The following ADAM28 variants were observed in gnomAD, a reference collection of about 807,000 sequenced individuals.
The protein encoded by ADAM28 is ADAM metallopeptidase domain 28.
A neutral mutation model predicts 101.2 loss-of-function variants in ADAM28; 105 were observed. The observed-to-expected ratio is 1.04, with a 90% CI of 0.89 to 1.22. The LOEUF is 1.22. ADAM28 is among the 50% of genes most tolerant of loss of function. The probability of loss-of-function intolerance (pLI) is 0.00; values close to 1 mark genes in which losing one functional copy is unlikely to be tolerated. For missense variants in ADAM28, 1,028 were observed against 945.4 expected (o/e 1.09, Z -1.15); for synonymous variants, 322 against 310.6 (o/e 1.04, Z -0.39).
At chr8:24,313,359 A>G in intron 5 of ADAM28, 29 bp from the exon 6 acceptor site, 1 of 1,574,558 alleles carries the variant, frequency 6.4e-7, no homozygotes, top group South Asian at 1.2e-5. Flanking sequence ...AATATTTGTT[A>G]AGAAGCCAGA....
intron 6 of ADAM28, among the ~76,000 whole-genome samples, chr8:24,315,973 T>G (rs1244159262): frequency 6.6e-6 from 1 of 151,828 alleles, no homozygotes; most frequent in Non-Finnish European, 1.5e-5. Flanking sequence ...TGATTAAAAG[T>G]TTAGGTAGTT....
intron 2 of ADAM28, among the ~76,000 whole-genome samples, chr8:24,300,663 G>A (rs1363066828): frequency 1.3e-5 from 2 of 152,032 alleles, no homozygotes; most frequent in Non-Finnish European, 2.9e-5. Context: ...TGATCCGCCC[G>A]CCTCGGCCTC....
chr8:24,350,306 C>A (rs1815935927), intron 19 of ADAM28, among the ~76,000 whole-genome samples: 1 of 152,018 alleles, frequency 6.6e-6, no homozygotes, highest in Non-Finnish European at 1.5e-5. Context: ...CTGTGCTAAG[C>A]ACCGCCCCAC....
At chr8:24,319,721 T>C (rs186544864) in intron 6 of ADAM28, among the ~76,000 whole-genome samples, 2 of 151,972 alleles carry the variant, frequency 1.3e-5, no homozygotes, top group South Asian at 2.1e-4. Flanking sequence ...ATTGGTAAGT[T>C]TGAAACATGG....
intron 2 of ADAM28, among the ~76,000 whole-genome samples, chr8:24,306,813 C>A (rs529073403): frequency 1.3e-5 from 2 of 152,288 alleles, no homozygotes; most frequent in East Asian, 1.9e-4. Context: ...TAAGCCCTAG[C>A]AATCTGTCCA....
Position 24,309,922 on chromosome 8 carries a change from A to T in ADAM28, c.179A>T (p.Lys60Ile), listed in dbSNP as rs1427169208. ...QEQFETELKY[K>I]MTINGKIAVL... ...CAATTTGAAACTGAATTAAAGTATA[A>T]AATGACAATTAATGGAAAAATTGCA... is the stretch of plus-strand genomic sequence containing the variant. The change falls in exon 3 of 23, where the codon AAA becomes ATA. Residue 60 changes from lysine (K) to isoleucine (I), a missense_variant. Physicochemically the swap from Lys to Ile is moderately radical, Grantham distance 102 (BLOSUM62 -3). Transcript: ENST00000265769. 1 of 1,562,480 alleles carries T rather than the reference A, an allele frequency of 6.4e-7. No homozygotes were observed. The highest frequency in any genetic ancestry group is 8.8e-7 in the Non-Finnish European group (1 of 1,135,924).
At chr8:24,306,355 A>ATATATATATATATATTTATAT (rs1489348958) in intron 2 of ADAM28, among the ~76,000 whole-genome samples, 1 of 107,822 alleles carries the variant, frequency 9.3e-6, no homozygotes, top group Non-Finnish European at 1.9e-5. Context: ...AATACAAATA[A>ATATATATATATATATTTATAT]ATAAATAAAT....
chr8:24,298,895 CCAAA>C (rs1808332117), intron 1 of ADAM28, among the ~76,000 whole-genome samples: 1 of 152,090 alleles, frequency 6.6e-6, no homozygotes, highest in African/African-American at 2.4e-5. Context: ...ATCTCTCTCT[CCAAA>C]ATGACTTCTA....
At chr8:24,297,755 A>C (rs1279470220) in intron 1 of ADAM28, among the ~76,000 whole-genome samples, 1 of 152,146 alleles carries the variant, frequency 6.6e-6, no homozygotes, top group Non-Finnish European at 1.5e-5. Context: ...GGCAGGAGTA[A>C]TTTTCTTACC....
intron 2 of ADAM28, among the ~76,000 whole-genome samples, chr8:24,304,936 T>G (rs1436122032): frequency 1.5e-5 from 2 of 136,940 alleles, no homozygotes; most frequent in Non-Finnish European, 3.2e-5. Context: ...AAAAAATAGA[T>G]TATGCTATGG....
At chr8:24,339,783 A>AT (rs1814543179) in intron 15 of ADAM28, among the ~76,000 whole-genome samples, 1 of 152,222 alleles carries the variant, frequency 6.6e-6, no homozygotes, top group Admixed American at 6.5e-5. Flanking sequence ...CAAGTATCTC[A>AT]TGGTGGGTGC....
intron 21 of ADAM28, among the ~76,000 whole-genome samples, chr8:24,352,388 C>A (rs1223618443): frequency 6.6e-6 from 1 of 152,126 alleles, no homozygotes; most frequent in Non-Finnish European, 1.5e-5. Context: ...CTGGGAAGTC[C>A]AAGTTCAAGG....
chr8:24,301,803 A>G (rs1205840694), intron 2 of ADAM28, among the ~76,000 whole-genome samples: 2 of 152,220 alleles, frequency 1.3e-5, no homozygotes, highest in African/African-American at 2.4e-5. Flanking sequence ...CCATTAAGGT[A>G]GCTCAAGTTC....
chr8:24,295,805 A>C (rs1219349907), intron 1 of ADAM28: 2 of 152,226 alleles, frequency 1.3e-5, no homozygotes, highest in African/African-American at 4.8e-5. Flanking sequence ...TTTGCCACTG[A>C]ACTATCCCTG....
chr8:24,323,725 G>GT (rs1812180428), intron 8 of ADAM28, 109 bp from the exon 9 acceptor site: 2 of 1,127,168 alleles, frequency 1.8e-6, no homozygotes, highest in African/African-American at 3.2e-5. Flanking sequence ...TGGAAATAAG[G>GT]TTTTTATACT....
intron 2 of ADAM28, among the ~76,000 whole-genome samples, chr8:24,307,027 T>C (rs1161178657): frequency 6.6e-6 from 1 of 152,236 alleles, no homozygotes; most frequent in African/African-American, 2.4e-5. Flanking sequence ...CTATAGTCTC[T>C]CAGGCACACC....
At position 24,358,863 on chromosome 8, in the gene ADAM28, A is replaced by ATATC. The variant is rs1816843061; in HGVS notation, c.*4461_*4464dup. The ATATC allele has an allele frequency of 6.6e-6, 1 of 152,200 alleles. No homozygotes were observed. The highest frequency in any genetic ancestry group is 6.5e-5 in the Admixed American group (1 of 15,276). 9.4% of individuals were successfully genotyped at this position (152,200 alleles called of 1,614,324 possible). ...ATATTAAAGTCCATACTCTTGGGAT[A>ATATC]TATCTGACATCTCAATATTAAATGA... On this transcript the variant is annotated 3_prime_UTR_variant, in exon 23 of 23. Coordinates refer to ENST00000265769, the MANE Select transcript of ADAM28 (RefSeq NM_014265.6).
Position 24,302,054 on chromosome 8 carries a change from C to A in ADAM28, c.150+1977C>A, listed in dbSNP as rs555541357. On this transcript the variant is annotated intron_variant, in intron 2 of 22. Transcript: ENST00000265769. ...ATCAACCCATCACCTAGGTTTTAAG[C>A]CCAGCATGCATTAGCTATTTTTCCT... Among the ~76,000 whole-genome samples the A allele has an allele frequency of 1.3e-4, 20 of 152,202 alleles. No homozygotes were observed. In the South Asian group the frequency reaches 4.2e-3, roughly 32 times the overall value.
intron 1 of ADAM28, among the ~76,000 whole-genome samples, chr8:24,298,009 A>G (rs1381555898): frequency 6.6e-6 from 1 of 152,172 alleles, no homozygotes; most frequent in Non-Finnish European, 1.5e-5. Flanking sequence ...AAGTGTGACA[A>G]TGTAATGAGG....
Sources: gnomAD v4.1 joint callset for allele counts (sites outside exome capture counted in the v4.1 genomes callset) on GRCh38, gnomAD v4.1.1 for gene constraint, MANE v1.5 for transcripts, NCBI Gene and HGNC (gene_info 2026-07-23, HGNC 2026-07-21) for gene names.